RALGPS2: variants seen among roughly 807,000 people sequenced by gnomAD.
The protein encoded by RALGPS2 is Ral GEF with PH domain and SH3 binding motif 2.
A neutral mutation model predicts 86.8 loss-of-function variants in RALGPS2; 43 were observed. That is an observed-to-expected ratio of 0.50 (90% CI 0.39 to 0.64). The LOEUF is 0.64. RALGPS2 is among the 30% of genes least tolerant of loss of function. The pLI, the probability that RALGPS2 is intolerant of heterozygous loss-of-function variation, is 0.00. For synonymous variants in RALGPS2, 243 were observed against 231.3 expected, an observed-to-expected ratio of 1.05 and a Z score of -0.46; for missense variants, 536 against 694.6, an observed-to-expected ratio of 0.77 and a Z score of 2.57.
chr1:178,815,696 G>A (rs1029018874), intron 6 of RALGPS2, among the ~76,000 whole-genome samples: 5 of 152,116 alleles, frequency 3.3e-5, no homozygotes, highest in African/African-American at 1.2e-4. Context: ...TCTGGTAAGG[G>A]CCCATTTCTC....
At chr1:178,824,654 A>G (rs1274574458) in intron 7 of RALGPS2, among the ~76,000 whole-genome samples, 2 of 152,064 alleles carry the variant, frequency 1.3e-5, no homozygotes, top group South Asian at 2.1e-4. Flanking sequence ...TAAAAATACA[A>G]AAAAATTAGT....
chr1:178,828,866 T>C (rs2102239913), intron 7 of RALGPS2, among the ~76,000 whole-genome samples: 1 of 152,102 alleles, frequency 6.6e-6, no homozygotes, highest in Non-Finnish European at 1.5e-5. Flanking sequence ...GTATGGAGAT[T>C]CCCCCAAAAA....
chr1:178,790,457 A>G (rs1253223959), intron 4 of RALGPS2, among the ~76,000 whole-genome samples: 2 of 152,218 alleles, frequency 1.3e-5, no homozygotes, highest in African/African-American at 2.4e-5. Context: ...TTCTGCCACC[A>G]AGGTAATCAC....
At chr1:178,767,764 GGCTGT>G (rs1327135774) in intron 1 of RALGPS2, among the ~76,000 whole-genome samples, 1 of 152,162 alleles carries the variant, frequency 6.6e-6, no homozygotes, top group Non-Finnish European at 1.5e-5. Flanking sequence ...GAAGACGGGA[GGCTGT>G]GCTTCTCAAC....
chr1:178,870,417 C>T (rs1043124627), intron 8 of RALGPS2, among the ~76,000 whole-genome samples: 4 of 152,154 alleles, frequency 2.6e-5, no homozygotes, highest in African/African-American at 9.7e-5. Flanking sequence ...AAGCCTTATA[C>T]ATTTAATCTG....
rs1248979344 is a variant in RALGPS2 at position 178,856,200 on chromosome 1, GAGATATATATATATAT to G, written c.608-21296_608-21281del. 7.3e-5 allele frequency among the ~76,000 whole-genome samples: 3 copies of G among 40,942 alleles called. 1 individual carries two copies. Among genetic ancestry groups the G allele is most frequent in the African/African-American group, 2.8e-4 (3 of 10,720 alleles). The allele number at this position is 40,942 out of a possible 152,430, so 26.9% of individuals were successfully genotyped here. On this transcript the variant is annotated intron_variant, in intron 8 of 19. Coordinates refer to ENST00000367635, the MANE Select transcript of RALGPS2 (RefSeq NM_152663.5). ...TTACCTGTACTTTTCCAGAGAGAGA[GAGATATATATATATAT>G]ATATATATATATATATATGGTTTTG...
chr1:178,784,913 GT>G (rs1653576032), intron 3 of RALGPS2, among the ~76,000 whole-genome samples: 1 of 151,860 alleles, frequency 6.6e-6, no homozygotes, highest in African/African-American at 2.4e-5. Flanking sequence ...TAGATGAAAG[GT>G]ATCTAGAAAA....
chr1:178,871,713 A>G lies in RALGPS2; in HGVS notation c.608-5785A>G, dbSNP rs114725252. Among the ~76,000 whole-genome samples the G allele has an allele frequency of 3.7e-3, 558 of 152,274 alleles. 5 individuals carry two copies. Among genetic ancestry groups the G allele is most frequent in the African/African-American group, 0.012 (505 of 41,554 alleles). Reference sequence around the variant, plus strand: ...GTGTTACATAATGTCATATCCTCCTATTCTACAAAATGACCTCTCCTCTCT... The same window carrying G: ...GTGTTACATAATGTCATATCCTCCTGTTCTACAAAATGACCTCTCCTCTCT... On this transcript the variant is annotated intron_variant, in intron 8 of 19. Transcript: ENST00000367635.
chr1:178,862,062 G>A (rs1170102082), intron 8 of RALGPS2, among the ~76,000 whole-genome samples: 1 of 151,904 alleles, frequency 6.6e-6, no homozygotes, highest in Admixed American at 6.6e-5. Context: ...TAGTAGAGAC[G>A]GGGTTTCACC....
At chr1:178,854,766 T>A (rs1465754015) in intron 8 of RALGPS2, among the ~76,000 whole-genome samples, 1 of 152,112 alleles carries the variant, frequency 6.6e-6, no homozygotes, top group Non-Finnish European at 1.5e-5. Flanking sequence ...GCATTTGCCC[T>A]CATGTTATTT....
chr1:178,806,731 T>G (rs1654767137), intron 4 of RALGPS2, among the ~76,000 whole-genome samples: 1 of 152,136 alleles, frequency 6.6e-6, no homozygotes, highest in African/African-American at 2.4e-5. Context: ...GGTTTTGGCT[T>G]CTTTTTTTCT....
At chr1:178,850,879 A>G (rs1657127106) in intron 8 of RALGPS2, 2 of 324,938 alleles carry the variant, frequency 6.2e-6, no homozygotes, top group Admixed American at 9.4e-5. Flanking sequence ...TACATTTTAG[A>G]AAACAAACTT....
At chr1:178,907,907 C>T (rs1005366017) in intron 19 of RALGPS2, among the ~76,000 whole-genome samples, 1 of 152,158 alleles carries the variant, frequency 6.6e-6, no homozygotes, top group Non-Finnish European at 1.5e-5. Flanking sequence ...TGGATTCAAA[C>T]TTTCTTCATC....
chr1:178,746,300 C>T (rs185996569), intron 1 of RALGPS2, among the ~76,000 whole-genome samples: 1 of 152,120 alleles, frequency 6.6e-6, no homozygotes, highest in Non-Finnish European at 1.5e-5. Context: ...ACAGAAGATA[C>T]GCTAAGTATA....
intron 8 of RALGPS2, among the ~76,000 whole-genome samples, chr1:178,851,541 A>G (rs2102291944): frequency 6.6e-6 from 1 of 151,542 alleles, no homozygotes; most frequent in Admixed American, 6.6e-5. Context: ...CTTACAATGT[A>G]CTTTTTTAAA....
At chr1:178,828,256 T>C (rs1655847382) in intron 7 of RALGPS2, among the ~76,000 whole-genome samples, 1 of 152,218 alleles carries the variant, frequency 6.6e-6, no homozygotes, top group South Asian at 2.1e-4. Flanking sequence ...GAGGATACTT[T>C]CGGAGAAATG....
At chr1:178,818,795 G>T (rs1655356728) in intron 6 of RALGPS2, among the ~76,000 whole-genome samples, 1 of 151,840 alleles carries the variant, frequency 6.6e-6, no homozygotes, top group Admixed American at 6.6e-5. Flanking sequence ...AAGGCTGTTG[G>T]TTTTTTTTAC....
At chr1:178,911,095 G>T (rs1218717862) in intron 19 of RALGPS2, among the ~76,000 whole-genome samples, 1 of 152,040 alleles carries the variant, frequency 6.6e-6, no homozygotes, top group Non-Finnish European at 1.5e-5. Context: ...GGAGTCAGTT[G>T]TATGTCACCT....
intron 7 of RALGPS2, among the ~76,000 whole-genome samples, chr1:178,826,501 A>G (rs1008326957): frequency 6.6e-6 from 1 of 152,208 alleles, no homozygotes; most frequent in African/African-American, 2.4e-5. Flanking sequence ...AGGTACCTAG[A>G]GTAATCAAAT....
Sources: gnomAD v4.1 joint callset for allele counts (sites outside exome capture counted in the v4.1 genomes callset) on GRCh38, gnomAD v4.1.1 for gene constraint, MANE v1.5 for transcripts, NCBI Gene and HGNC (gene_info 2026-07-23, HGNC 2026-07-21) for gene names.